The following WDR87 variants were observed in gnomAD, a reference collection of about 807,000 sequenced individuals.
WDR87 encodes WD repeat-containing protein 87.
In WDR87, 56 loss-of-function variants were observed where a neutral mutation model predicts 83.3. The ratio of observed to expected loss-of-function variants is 0.67; its 90% CI spans 0.54 to 0.84. The LOEUF is 0.84. Among genes scored for constraint, WDR87 ranks in the 40% least tolerant of loss-of-function variants. The pLI is 0.00. For synonymous variants in WDR87, 1,173 were observed against 1,250.6 expected (o/e 0.94, Z 1.31); for missense variants, 2,939 against 3,431.9 (o/e 0.86, Z 3.59).
chr19:37,895,453 C>T lies in WDR87; in HGVS notation c.250G>A (p.Val84Ile), dbSNP rs780046960. 2.7e-5 allele frequency: 42 copies of T among 1,550,972 alleles called. No individual in the cohort carries two copies. Among genetic ancestry groups the T allele is most frequent in the Admixed American group, 3.9e-5 (2 of 50,958 alleles). The stretch of plus-strand genomic sequence containing the variant: ...TCAGTTTTGCTCTTCATCCATGCTA[C>T]AGCCTAGAAGAGAATAAGAAGGAAA... ...VTSNTKEIQA[V>I]AWMKSKTEDM... Residue 84 changes from valine to isoleucine, a missense_variant, in exon 4 of 6, where the codon GTA (valine) becomes ATA (isoleucine). By Grantham distance (29) the Val-to-Ile change is conservative (BLOSUM62 3). This residue lies in a region of WDR87 where 226 missense variants were observed against 320.9 expected (regional missense o/e 0.70). Coordinates refer to ENST00000447313, the MANE Select transcript of WDR87 (RefSeq NM_001291088.2).
At chr19:37,899,416 C>CAA (rs11378161) in intron 1 of WDR87, among the ~76,000 whole-genome samples, 1,138 of 77,142 alleles carry the variant, frequency 0.015, 26 homozygotes, top group Middle Eastern at 0.038. Context: ...GACTCAGTCT[C>CAA]AAAAAAAAAA....
rs2046138177 is a variant in WDR87 at position 37,885,721 on chromosome 19, C to G, written c.7950G>C (p.Glu2650Asp). ...GGACAGCCAAAGGTTTTGGCCAGCT[C>G]TCCTTTTCCTTTGCTTTTATAGGAG... ...VIPPIKAKEK[E>D]SWPKPLAVPT... The change falls in exon 6 of 6, where the codon GAG (glutamate) becomes GAC (aspartate). Residue 2650 changes from glutamate to aspartate, a missense_variant. By Grantham distance (45) the Glu-to-Asp change is conservative. Transcript: ENST00000447313. 9 of 1,551,682 alleles carry G rather than the reference C, an allele frequency of 5.8e-6. No homozygotes were observed. The highest frequency in any genetic ancestry group is 7.0e-6 in the Non-Finnish European group (8 of 1,146,988).
Position 37,895,355 on chromosome 19 carries a change from G to A in WDR87, c.348C>T (p.Gly116=). 2 of 1,551,748 alleles carry A rather than the reference G, an allele frequency of 1.3e-6. No homozygotes were observed. Among genetic ancestry groups the A allele is most frequent in the Non-Finnish European group, 1.7e-6 (2 of 1,147,014 alleles). The part of the protein sequence containing the change: ...LPPIQSMVHA[G]SFHILVVYCG... ...AGTAGACCACGAGGATATGAAAGGA[G>A]CCTGCATGGACCATGGACTGGATGG... The change falls in exon 4 of 6, where the codon GGC becomes GGT. Residue 116 remains glycine (G), a synonymous_variant. Coordinates refer to ENST00000447313, the MANE Select transcript of WDR87 (RefSeq NM_001291088.2).
intron 1 of WDR87, among the ~76,000 whole-genome samples, chr19:37,905,881 A>G (rs2046324224): frequency 6.6e-6 from 1 of 152,182 alleles, no homozygotes; most frequent in Admixed American, 6.5e-5. Flanking sequence ...GTGGCCTGAT[A>G]TCCCTACTGG....
chr19:37,885,875 C>T lies in WDR87; in HGVS notation c.7796G>A (p.Gly2599Glu). The T allele has an allele frequency of 1.3e-6, 2 of 1,552,220 alleles. No individual in the cohort carries two copies. The highest frequency in any genetic ancestry group is 1.7e-6 in the Non-Finnish European group (2 of 1,147,122). The change falls in exon 6 of 6, where the codon GGA becomes GAA. Residue 2599 changes from glycine (G) to glutamate (E), a missense_variant. This residue lies in a region of WDR87 where 2,160 missense variants were observed against 2,533.1 expected (regional missense o/e 0.85). Transcript: ENST00000447313. ...GGCCAGATGCAGCCATTCTAAGTTT[C>T]CCTTTGAGGCAAGGTCTTTGAGCAG... ...CQLLKDLASK[G>E]NLEWLHLAKH...
intron 1 of WDR87, among the ~76,000 whole-genome samples, chr19:37,903,256 G>A (rs542129775): frequency 6.6e-6 from 1 of 152,304 alleles, no homozygotes; most frequent in South Asian, 2.1e-4. Flanking sequence ...GGCTTACTTG[G>A]TTCTTTGAAT....
intron 4 of WDR87, 66 bp from the exon 5 acceptor site, chr19:37,891,886 A>G: frequency 6.6e-7 from 1 of 1,514,516 alleles, no homozygotes; most frequent in East Asian, 2.5e-5. Context: ...TGGGAAGCAA[A>G]AAACGGTTGT....
At position 37,885,419 on chromosome 19, in the gene WDR87, T is replaced by G; in HGVS notation, c.8252A>C (p.Lys2751Thr). The G allele has an allele frequency of 1.3e-6, 2 of 1,551,892 alleles. No individual in the cohort carries two copies. Among genetic ancestry groups the G allele is most frequent in the South Asian group, 2.4e-5 (2 of 84,062 alleles). The change falls in exon 6 of 6, where the codon AAG becomes ACG. Residue 2751 changes from lysine to threonine, a missense_variant. Transcript: ENST00000447313. Reference protein sequence around the residue: ...RFPKLPKLEKKTQPISKKKEE... With the variant: ...RFPKLPKLEKTTQPISKKKEE... Reference sequence around the variant, plus strand: ...CTTTTTTTTAGAAATGGGCTGTGTCTTCTTCTCTAACTTGGGCAGTTTAGG... The same window carrying G: ...CTTTTTTTTAGAAATGGGCTGTGTCGTCTTCTCTAACTTGGGCAGTTTAGG...
At position 37,886,663 on chromosome 19, in the gene WDR87, C is replaced by T. The variant is rs1599756612; in HGVS notation, c.7008G>A (p.Glu2336=). 1.3e-6 allele frequency: 2 copies of T among 1,499,296 alleles called. No individual in the cohort carries two copies. Among genetic ancestry groups the T allele is most frequent in the Non-Finnish European group, 1.8e-6 (2 of 1,105,548 alleles). 92.9% of individuals were successfully genotyped at this position (1,499,296 alleles called of 1,614,324 possible). ...KKKKKKEKKK[E]EVQEKEEVFE... is the part of the protein sequence containing the mutation. ...ACACTTCTTCCTTCTCCTGAACCTC[C>T]TCCTTCTTCTTTTCCTTTTTCTTCT... Residue 2336 remains glutamate, a synonymous_variant, in exon 6 of 6, where the codon GAG becomes GAA. Coordinates refer to ENST00000447313, the MANE Select transcript of WDR87 (RefSeq NM_001291088.2).
At position 37,886,041 on chromosome 19, in the gene WDR87, G is replaced by A; in HGVS notation, c.7630C>T (p.Gln2544Ter). The A allele has an allele frequency of 6.4e-7, 1 of 1,551,710 alleles. No individual in the cohort carries two copies. Among genetic ancestry groups the A allele is most frequent in the Non-Finnish European group, 8.7e-7 (1 of 1,147,020 alleles). Reference protein sequence around the residue: ...HPPLMGQTEVQLPLSQIPAKE... With the variant: ...HPPLMGQTEV ...GCTGGGATTTGGGAGAGAGGTAACT[G>A]TACCTCAGTCTGTCCCATCAGAGGT... Residue 2544 changes from glutamine to a stop codon, truncating the protein, a stop_gained, in exon 6 of 6, where the codon CAG (glutamine) becomes TAG (stop). Transcript: ENST00000447313. LOFTEE classifies it low-confidence loss of function (END_TRUNC).
chr19:37,896,807 A>G (rs1568455679), intron 2 of WDR87, among the ~76,000 whole-genome samples: 1 of 152,022 alleles, frequency 6.6e-6, no homozygotes, highest in Non-Finnish European at 1.5e-5. Context: ...TTTAGTGGAG[A>G]TGGAGTTTCA....
In WDR87 at chr19:37,903,833, A is replaced by T. The variant is rs117555154; in HGVS notation, c.-47+2666T>A. On this transcript the variant is annotated intron_variant, in intron 1 of 5. Coordinates refer to ENST00000447313, the MANE Select transcript of WDR87 (RefSeq NM_001291088.2). ...CAGGTGTCAGCCACCACACCCAGCC[A>T]ATTTGGTTTAATTCTTACAATTATT... Among the ~76,000 whole-genome samples, 545 of 152,186 alleles carry T rather than the reference A, an allele frequency of 3.6e-3. 3 individuals are homozygous for T. The highest frequency in any genetic ancestry group is 6.8e-3 in the Middle Eastern group (2 of 294).
At chr19:37,902,538 C>T (rs568692624) in intron 1 of WDR87, among the ~76,000 whole-genome samples, 4 of 152,276 alleles carry the variant, frequency 2.6e-5, no homozygotes, top group Admixed American at 1.3e-4. Flanking sequence ...TATCTTAACA[C>T]AAAGATAATC....
Position 37,887,221 on chromosome 19 carries a change from C to T in WDR87, c.6450G>A (p.Leu2150=). The part of the protein sequence containing the change: ...KRALFVKERR[L]SIEQSKLDIK... ...TATCCAGCTTACTCTGTTCTATACT[C>T]AACCTGCGCTCCTTAACAAAGAGTG... The change falls in exon 6 of 6, where the codon TTG becomes TTA. Residue 2150 remains leucine, a synonymous_variant. Transcript: ENST00000447313. 1.9e-6 allele frequency: 3 copies of T among 1,551,894 alleles called. No homozygotes were observed. The highest frequency in any genetic ancestry group is 2.6e-6 in the Non-Finnish European group (3 of 1,147,066).
chr19:37,891,849 A>T (rs1374518102), intron 4 of WDR87, 29 bp from the exon 5 acceptor site: 1 of 1,543,724 alleles, frequency 6.5e-7, no homozygotes. Flanking sequence ...AAGAAGGACT[A>T]TGCTGAGTCA....
intron 1 of WDR87, among the ~76,000 whole-genome samples, chr19:37,903,971 C>G (rs1353150998): frequency 2.0e-5 from 3 of 152,092 alleles, no homozygotes; most frequent in Admixed American, 6.5e-5. Flanking sequence ...TGCAGTGGCG[C>G]CATCTCCGCT....
chr19:37,888,930 C>A lies in WDR87; in HGVS notation c.4741G>T (p.Glu1581Ter), dbSNP rs1322708537. ...KSKEQQYKDE[E>*]EVTLEEEVSR... ...ACTTCTTCCTCCAAAGTCACTTCTTCCTCATCCTTGTACTGTTGCTCCTTG... is the reference window on the plus strand; with the variant it reads ...ACTTCTTCCTCCAAAGTCACTTCTTACTCATCCTTGTACTGTTGCTCCTTG... The change falls in exon 6 of 6, where the codon GAA becomes TAA. Residue 1581 changes from glutamate (E) to a stop codon, truncating the protein, a stop_gained. Transcript: ENST00000447313. LOFTEE classifies it low-confidence loss of function (END_TRUNC). The A allele has an allele frequency of 6.4e-7, 1 of 1,552,234 alleles. No homozygotes were observed. Among genetic ancestry groups the A allele is most frequent in the Non-Finnish European group, 8.7e-7 (1 of 1,147,126 alleles).
Position 37,886,874 on chromosome 19 carries a change from G to GAA in WDR87, c.6795_6796dup (p.Ser2266PhefsTer9). On this transcript the variant is annotated frameshift_variant, in exon 6 of 6. Coordinates refer to ENST00000447313, the MANE Select transcript of WDR87 (RefSeq NM_001291088.2). LOFTEE classifies it low-confidence loss of function (END_TRUNC). ...ATCTAACAGGCTTTCCATTTCTTCA[G>GAA]AAAAATGCTCTTCACTTTCCACTTC... is the stretch of plus-strand genomic sequence containing the variant. 1.3e-6 allele frequency: 2 copies of GAA among 1,551,058 alleles called. No individual in the cohort carries two copies. The highest frequency in any genetic ancestry group is 1.7e-6 in the Non-Finnish European group (2 of 1,146,938).
At position 37,889,211 on chromosome 19, in the gene WDR87, A is replaced by G. The variant is rs2046180787; in HGVS notation, c.4460T>C (p.Leu1487Pro). The G allele has an allele frequency of 6.4e-7, 1 of 1,552,014 alleles. No homozygotes were observed. The highest frequency in any genetic ancestry group is 8.7e-7 in the Non-Finnish European group (1 of 1,147,082). Reference protein sequence around the residue: ...EEKVVKQEGKLVMIERTPSWQ... With the variant: ...EEKVVKQEGKPVMIERTPSWQ... Reference sequence around the variant, plus strand: ...AGATGGTGTCCTCTCAATCATAACCAGTTTTCCTTCTTGTTTGACCACTTT... The same window carrying G: ...AGATGGTGTCCTCTCAATCATAACCGGTTTTCCTTCTTGTTTGACCACTTT... Residue 1487 changes from leucine (L) to proline (P), a missense_variant, in exon 6 of 6, where the codon CTG (leucine) becomes CCG (proline). By Grantham distance (98) the Leu-to-Pro change is moderately conservative. Around this residue, in one of 3 missense-constraint regions of WDR87, gnomAD observed 2,160 missense variants for 2,533.1 expected, o/e 0.85. Transcript: ENST00000447313.
Sources: allele counts gnomAD v4.1 joint callset (sites outside exome capture counted in the v4.1 genomes callset), GRCh38; gene constraint gnomAD v4.1.1; regional missense constraint gnomAD v4.1.1; transcripts MANE v1.5; gene names NCBI Gene and HGNC (gene_info 2026-07-23, HGNC 2026-07-21).